CDC42BPA: variants seen among roughly 807,000 people sequenced by gnomAD.
CDC42BPA encodes CDC42 binding protein kinase alpha, also known as serine/threonine-protein kinase MRCK alpha.
In CDC42BPA, 80 loss-of-function variants were observed where a neutral mutation model predicts 223.5. The observed-to-expected ratio is 0.36, with a 90% CI of 0.30 to 0.43. The LOEUF (loss-of-function observed/expected upper bound fraction) is 0.43. Among genes scored for constraint, CDC42BPA ranks in the 20% least tolerant of loss-of-function variants. CDC42BPA has a pLI of 1.00. For missense variants in CDC42BPA, 1,743 were observed against 2,099.9 expected, an observed-to-expected ratio of 0.83 and a Z score of 3.32; for synonymous variants, 694 against 718.6, an observed-to-expected ratio of 0.97 and a Z score of 0.55.
intron 4 of CDC42BPA, among the ~76,000 whole-genome samples, chr1:227,197,760 T>C (rs556558089): frequency 3.3e-5 from 5 of 152,274 alleles, no homozygotes; most frequent in South Asian, 2.1e-4. Context: ...GTGGATTTTA[T>C]TCATTATTTG....
At chr1:227,085,475 T>C (rs1681664551) in intron 16 of CDC42BPA, among the ~76,000 whole-genome samples, 3 of 152,262 alleles carry the variant, frequency 2.0e-5, no homozygotes, top group Admixed American at 6.5e-5. Context: ...CTCTCAATTC[T>C]AAGCTATTAG....
chr1:227,060,523 T>C (rs1338098065), intron 21 of CDC42BPA, among the ~76,000 whole-genome samples: 2 of 152,032 alleles, frequency 1.3e-5, no homozygotes, highest in East Asian at 1.9e-4. Flanking sequence ...CACTGAGATA[T>C]GTACAAGGTT....
At chr1:227,200,437 CA>C (rs1262590429) in intron 3 of CDC42BPA, among the ~76,000 whole-genome samples, 7 of 82,738 alleles carry the variant, frequency 8.5e-5, no homozygotes, top group African/African-American at 2.2e-4. Context: ...CCTTAAAAAA[CA>C]AACAAACAAA....
intron 1 of CDC42BPA, among the ~76,000 whole-genome samples, chr1:227,312,605 C>A (rs1201624236): frequency 6.6e-6 from 1 of 152,054 alleles, no homozygotes; most frequent in Non-Finnish European, 1.5e-5. Context: ...GTAATCCCAG[C>A]TCTTTAAGAG....
At chr1:227,149,021 A>C (rs10799392) in intron 6 of CDC42BPA, among the ~76,000 whole-genome samples, 108,752 of 151,792 alleles carry the variant, frequency 0.72, 39,168 homozygotes, top group South Asian at 0.86. Flanking sequence ...GAACAAAAGA[A>C]AAGACCTTAT....
chr1:227,237,952 T>C (rs999096710), intron 2 of CDC42BPA, among the ~76,000 whole-genome samples: 1 of 150,694 alleles, frequency 6.6e-6, no homozygotes, highest in Non-Finnish European at 1.5e-5. Context: ...GACAGGAGAA[T>C]TGCTTGAACC....
rs1035201779 is a variant in CDC42BPA at position 226,990,023 on chromosome 1, T to G, written c.*4245A>C. ...CACATCATTGTTTGGTAGCAGAGGA[T>G]CTCTTAAAAAGTTCCCTAAGACACT... On this transcript the variant is annotated 3_prime_UTR_variant, in exon 37 of 37. Transcript: ENST00000366766. The G allele has an allele frequency of 6.6e-6, 1 of 152,486 alleles. No homozygotes were observed. The highest frequency in any genetic ancestry group is 2.4e-5 in the African/African-American group (1 of 41,382). The allele number at this position is 152,486 out of a possible 1,614,324, so 9.4% of individuals were successfully genotyped here. A position where few individuals can be genotyped will look rare whatever the true frequency, so the allele number is the denominator to read the frequency against.
intron 5 of CDC42BPA, among the ~76,000 whole-genome samples, chr1:227,162,749 T>G (rs1664149999): frequency 6.6e-6 from 1 of 152,066 alleles, no homozygotes; most frequent in South Asian, 2.1e-4. Flanking sequence ...AGTGAGAAGA[T>G]CACCTGAGCC....
chr1:227,088,957 G>A (rs912711129), intron 16 of CDC42BPA, among the ~76,000 whole-genome samples: 2 of 151,920 alleles, frequency 1.3e-5, no homozygotes, highest in Non-Finnish European at 2.9e-5. Context: ...AACTCCTGAC[G>A]TCAAGCGATC....
At chr1:227,231,815 A>G (rs979567336) in intron 2 of CDC42BPA, among the ~76,000 whole-genome samples, 1 of 152,080 alleles carries the variant, frequency 6.6e-6, no homozygotes, top group Non-Finnish European at 1.5e-5. Flanking sequence ...TCCTTTGCCC[A>G]CTTTTTGATG....
intron 2 of CDC42BPA, among the ~76,000 whole-genome samples, chr1:227,219,072 A>G (rs1675379915): frequency 6.6e-6 from 1 of 152,214 alleles, no homozygotes; most frequent in Admixed American, 6.5e-5. Flanking sequence ...TAGCACCATC[A>G]AAGGTGAATC....
At chr1:227,251,051 T>TTTG (rs1681918924) in intron 2 of CDC42BPA, among the ~76,000 whole-genome samples, 2 of 152,040 alleles carry the variant, frequency 1.3e-5, no homozygotes, top group Non-Finnish European at 2.9e-5. Flanking sequence ...AAACTTTGTC[T>TTTG]CTAAATATTA....
chr1:227,262,957 G>A (rs114678578), intron 1 of CDC42BPA, among the ~76,000 whole-genome samples: 2,475 of 152,264 alleles, frequency 0.016, 40 homozygotes, highest in Non-Finnish European at 0.024. Flanking sequence ...TTTTGGCTGG[G>A]TGCAGTGGCT....
chr1:227,028,073 C>G (rs1001614268), intron 30 of CDC42BPA, among the ~76,000 whole-genome samples: 2 of 149,320 alleles, frequency 1.3e-5, no homozygotes, highest in Non-Finnish European at 3.0e-5. Context: ...TGGGCTGTGA[C>G]GATACCACTG....
chr1:227,317,234 C>T lies in CDC42BPA; in HGVS notation c.-52G>A. The T allele has an allele frequency of 6.5e-7, 1 of 1,547,778 alleles. No individual in the cohort carries two copies. The highest frequency in any genetic ancestry group is 1.2e-5 in the South Asian group (1 of 82,928). On this transcript the variant is annotated 5_prime_UTR_variant, in exon 1 of 37. Coordinates refer to ENST00000366766, the MANE Select transcript of CDC42BPA (RefSeq NM_001394014.1). ...CTTTAAATTATTATGATGACTTTTA[C>T]TATTATCTGAACCTAAATTTTAAAA...
At chr1:227,266,315 C>G (rs1380856960) in intron 1 of CDC42BPA, among the ~76,000 whole-genome samples, 1 of 152,056 alleles carries the variant, frequency 6.6e-6, no homozygotes, top group African/African-American at 2.4e-5. Flanking sequence ...CTCGAATGCT[C>G]TCTCTCTACT....
Position 227,017,031 on chromosome 1 carries a change from T to C in CDC42BPA, c.4635A>G (p.Val1545=), listed in dbSNP as rs1173160755. 6.2e-7 allele frequency: 1 copy of C among 1,612,358 alleles called. No individual in the cohort carries two copies. The highest frequency in any genetic ancestry group is 8.5e-7 in the Non-Finnish European group (1 of 1,179,220). The change falls in exon 33 of 37, where the codon GTA becomes GTG. Residue 1545 remains valine (V), a synonymous_variant. Transcript: ENST00000366766. ...NKMAEGDELV[V]PETSDNSRKQ... ...TCCGACTATTATCTGATGTTTCAGG[T>C]ACTACCAGTTCGTCCCCTTCTGTTA...
At chr1:227,276,936 G>T (rs1055247492) in intron 1 of CDC42BPA, among the ~76,000 whole-genome samples, 1 of 152,042 alleles carries the variant, frequency 6.6e-6, no homozygotes, top group Non-Finnish European at 1.5e-5. Flanking sequence ...CACAAACACT[G>T]CGGAAGGCCG....
At chr1:227,100,919 T>C in intron 15 of CDC42BPA, 73 bp downstream of exon 15, 1 of 965,962 alleles carries the variant, frequency 1.0e-6, no homozygotes, top group Non-Finnish European at 1.5e-6. Context: ...TTATTGTCTA[T>C]GTATCTCCAA....
Sources: allele counts gnomAD v4.1 joint callset (sites outside exome capture counted in the v4.1 genomes callset), GRCh38; gene constraint gnomAD v4.1.1; transcripts MANE v1.5; gene names NCBI Gene and HGNC (gene_info 2026-07-23, HGNC 2026-07-21).